The following DNA2 variants were observed in gnomAD, a reference collection of about 807,000 sequenced individuals.
DNA2 encodes DNA replication helicase/nuclease 2, also known as DNA replication ATP-dependent helicase/nuclease DNA2.
In DNA2, 101 loss-of-function variants were observed where a neutral mutation model predicts 119.1. The observed-to-expected ratio is 0.85, with a 90% confidence interval of 0.72 to 1.00. The LOEUF is 1.00. DNA2 is among the 50% of genes least tolerant of loss of function. The probability of loss-of-function intolerance (pLI) is 0.00; values close to 1 mark genes in which losing one functional copy is unlikely to be tolerated. For missense variants in DNA2, 1,121 were observed against 1,255.5 expected (o/e 0.89, Z 1.62); for synonymous variants, 366 against 424.4 (o/e 0.86, Z 1.69).
chr10:68,415,395 GCCTC>G (rs1437708140), intron 20 of DNA2, among the ~76,000 whole-genome samples: 1 of 151,574 alleles, frequency 6.6e-6, no homozygotes, highest in East Asian at 1.9e-4. Context: ...TCCTGCCTCA[GCCTC>G]CCGAGTAGCT....
At chr10:68,436,649 G>A (rs998694679) in intron 10 of DNA2, among the ~76,000 whole-genome samples, 21 of 152,128 alleles carry the variant, frequency 1.4e-4, no homozygotes, top group African/African-American at 4.3e-4. Flanking sequence ...ACATGAAGAT[G>A]AATTTCAAAA....
At chr10:68,418,178 C>T (rs2051616307) in intron 19 of DNA2, among the ~76,000 whole-genome samples, 1 of 152,148 alleles carries the variant, frequency 6.6e-6, no homozygotes, top group African/African-American at 2.4e-5. Flanking sequence ...CTTTGGGAGG[C>T]CAAGGCAGGT....
At chr10:68,420,365 C>T (rs771276130) in intron 17 of DNA2, among the ~76,000 whole-genome samples, 32 of 152,230 alleles carry the variant, frequency 2.1e-4, no homozygotes, top group African/African-American at 5.1e-4. Context: ...AGTGAAACCC[C>T]GTCTCTACTA....
At chr10:68,453,509 A>C (rs979305834) in intron 5 of DNA2, among the ~76,000 whole-genome samples, 2 of 152,170 alleles carry the variant, frequency 1.3e-5, no homozygotes, top group Non-Finnish European at 2.9e-5. Flanking sequence ...GTGTGACTTG[A>C]AAAATTATAT....
intron 19 of DNA2, among the ~76,000 whole-genome samples, chr10:68,417,391 C>CAAAAAAAAAAAAAAAAAAA (rs35777569): frequency 1.3e-5 from 1 of 77,498 alleles, no homozygotes; most frequent in Non-Finnish European, 2.3e-5. Flanking sequence ...ATAAGAAAAC[C>CAAAAAAAAAAAAAAAAAAA]AAAAAAAAAA....
rs913742579 is a variant in DNA2, at chr10:68,414,796, T to G, written c.*243A>C. The G allele has an allele frequency of 1.8e-5, 7 of 389,142 alleles. No individual in the cohort carries two copies. Among genetic ancestry groups the G allele is most frequent in the African/African-American group, 1.4e-4 (7 of 49,012 alleles). 24.1% of individuals were successfully genotyped at this position (389,142 alleles called of 1,614,324 possible). On this transcript the variant is annotated 3_prime_UTR_variant, in exon 21 of 21. Coordinates refer to ENST00000358410, the MANE Select transcript of DNA2 (RefSeq NM_001080449.3). ...TCCTGAAATGTCTGACTTAAAAGTT[T>G]AAAGCTCAAAGTCAAAAGTTAATCC...
chr10:68,433,763 A>C (rs892531954), intron 10 of DNA2, among the ~76,000 whole-genome samples: 1 of 152,078 alleles, frequency 6.6e-6, no homozygotes, highest in Non-Finnish European at 1.5e-5. Context: ...TTTTAAAATG[A>C]TACGTAAGAC....
intron 9 of DNA2, among the ~76,000 whole-genome samples, chr10:68,438,672 G>A (rs2051924692): frequency 6.6e-6 from 1 of 152,100 alleles, no homozygotes; most frequent in African/African-American, 2.4e-5. Flanking sequence ...CCACAGCAAT[G>A]TTATCTTGTG....
At chr10:68,448,972 T>TGTGA (rs2052080787) in intron 6 of DNA2, among the ~76,000 whole-genome samples, 1 of 142,108 alleles carries the variant, frequency 7.0e-6, no homozygotes, top group African/African-American at 2.8e-5. Context: ...TGTGTGCGTG[T>TGTGA]GTGTGTGTGT....
chr10:68,462,988 C>T (rs1053772057), intron 4 of DNA2, among the ~76,000 whole-genome samples: 9 of 151,872 alleles, frequency 5.9e-5, no homozygotes, highest in South Asian at 4.2e-4. Context: ...AAAAATTAGC[C>T]GGCCATGGTG....
chr10:68,439,813 G>A (rs962386015), intron 9 of DNA2, among the ~76,000 whole-genome samples: 2 of 149,898 alleles, frequency 1.3e-5, no homozygotes, highest in African/African-American at 2.5e-5. Flanking sequence ...ACTCCAGCCT[G>A]AGCAACAAGA....
intron 14 of DNA2, among the ~76,000 whole-genome samples, chr10:68,423,320 G>T (rs1397681842): frequency 5.9e-5 from 9 of 151,914 alleles, no homozygotes; most frequent in Non-Finnish European, 8.8e-5. Context: ...TCTGAAAGGT[G>T]GAGAGAAGGC....
intron 12 of DNA2, 98 bp downstream of exon 12, chr10:68,432,108 C>T (rs1487851938): frequency 3.6e-6 from 4 of 1,117,056 alleles, no homozygotes; most frequent in African/African-American, 3.1e-5. Context: ...TTGGTCTAAA[C>T]ATTGTAGTTG....
chr10:68,446,222 T>C (rs2052037392), intron 7 of DNA2, 74 bp downstream of exon 7: 5 of 758,036 alleles, frequency 6.6e-6, no homozygotes, highest in Admixed American at 2.5e-5. Flanking sequence ...GATTGTCAGG[T>C]ATAAATATGT....
chr10:68,462,001 C>T (rs1402367889), intron 4 of DNA2, among the ~76,000 whole-genome samples: 1 of 151,956 alleles, frequency 6.6e-6, no homozygotes, highest in East Asian at 1.9e-4. Context: ...AAAACAATGA[C>T]ATTCATTACA....
chr10:68,428,663 G>T (rs968442424), intron 14 of DNA2, among the ~76,000 whole-genome samples: 2 of 152,130 alleles, frequency 1.3e-5, no homozygotes, highest in African/African-American at 2.4e-5. Flanking sequence ...CTATTAATAC[G>T]TACAACTATC....
rs2052074165 is a variant in DNA2 at position 68,448,768 on chromosome 10, A to C, written c.939+1260T>G. Reference sequence around the variant, plus strand: ...GGAATCCAGATCACTTAAGATATTGAAATGCTTTTATTTATTTATTTATTT... The same window carrying C: ...GGAATCCAGATCACTTAAGATATTGCAATGCTTTTATTTATTTATTTATTT... On this transcript the variant is annotated intron_variant, in intron 6 of 20. Transcript: ENST00000358410. 2.7e-5 allele frequency among the ~76,000 whole-genome samples: 4 copies of C among 150,100 alleles called. No homozygotes were observed. In the South Asian group the frequency reaches 8.4e-4, roughly 31 times the overall value.
chr10:68,468,007 A>C, intron 3 of DNA2, 116 bp downstream of exon 3: 2 of 785,438 alleles, frequency 2.5e-6, no homozygotes, highest in East Asian at 3.0e-5. Context: ...AAATGCAGCT[A>C]ATTAATACCA....
chr10:68,442,640 G>A (rs922590575), intron 9 of DNA2, among the ~76,000 whole-genome samples: 2 of 152,150 alleles, frequency 1.3e-5, no homozygotes, highest in Non-Finnish European at 2.9e-5. Context: ...ACCCACCTCG[G>A]CCTCCCAAAG....
Sources: allele counts gnomAD v4.1 joint callset (sites outside exome capture counted in the v4.1 genomes callset), GRCh38; gene constraint gnomAD v4.1.1; transcripts MANE v1.5; gene names NCBI Gene and HGNC (gene_info 2026-07-23, HGNC 2026-07-21).